Variants in MPP7 observed in about 807,000 individuals in gnomAD.
MPP7 encodes MAGUK p55 subfamily member 7.
A neutral mutation model predicts 76.5 loss-of-function variants in MPP7; 60 were observed. The observed-to-expected ratio is 0.78, with a 90% confidence interval of 0.64 to 0.97. The LOEUF (loss-of-function observed/expected upper bound fraction) is 0.97. MPP7 is among the 50% of genes least tolerant of loss of function. The pLI is 0.00. For synonymous variants in MPP7, 237 were observed against 244.5 expected (o/e 0.97, Z 0.29); for missense variants, 641 against 694.0 (o/e 0.92, Z 0.86).
At position 28,131,649 on chromosome 10, in the gene MPP7, C is replaced by G; in HGVS notation, c.358G>C (p.Asp120His). The change falls in exon 6 of 17, where the codon GAC becomes CAC. Residue 120 changes from aspartate to histidine, a missense_variant. Asp to His is a moderately conservative substitution (Grantham distance 81). Coordinates refer to ENST00000683449, the MANE Select transcript of MPP7 (RefSeq NM_001318170.2). ...VHDTVAQKNY[D>H]PVLPPMPEDI... The stretch of plus-strand genomic sequence containing the variant: ...TCAGGCATAGGAGGCAACACTGGGT[C>G]GTAATTCTTCTGAGCCACAGTATCA... The G allele has an allele frequency of 1.2e-6, 2 of 1,602,896 alleles. No homozygotes were observed. Among genetic ancestry groups the G allele is most frequent in the Non-Finnish European group, 1.7e-6 (2 of 1,173,200 alleles).
chr10:28,176,340 A>AAAAACAAAAC (rs57735759), intron 3 of MPP7, among the ~76,000 whole-genome samples: 2,297 of 151,006 alleles, frequency 0.015, 63 homozygotes, highest in African/African-American at 0.05. Context: ...CAGTTGGGTC[A>AAAAACAAAAC]AAAACAAAAC....
rs537156050 is a variant in MPP7 at position 28,274,721 on chromosome 10, T to G, written c.-132+28140A>C. On this transcript the variant is annotated intron_variant, in intron 1 of 16. Transcript: ENST00000683449. ...CTACATAGGAGGCTGCCTGGATGAC[T>G]TCCTCTCTACTTCCTGCTACAGAAA... Among the ~76,000 whole-genome samples, 15 of 152,314 alleles carry G rather than the reference T, an allele frequency of 9.8e-5. No individual in the cohort carries two copies. The East Asian group carries it at 2.9e-3, about 29-fold the overall frequency.
chr10:28,309,754 T>G (rs1359989713), intron 2 of MPP7, among the ~76,000 whole-genome samples: 1 of 152,180 alleles, frequency 6.6e-6, no homozygotes, highest in African/African-American at 2.4e-5. Flanking sequence ...GGCGGATCCC[T>G]CGTGGCTTGG....
At chr10:28,118,045 C>T (rs1834712630) in intron 11 of MPP7, 1 of 948,480 alleles carries the variant, frequency 1.1e-6, no homozygotes, top group African/African-American at 1.8e-5. Context: ...CAAATGAGGA[C>T]ATTTCAGTAA....
intron 2 of MPP7, among the ~76,000 whole-genome samples, chr10:28,208,777 A>C (rs955560954): frequency 6.6e-6 from 1 of 152,172 alleles, no homozygotes. Context: ...AGAGGCAATA[A>C]AATGATAACT....
At chr10:28,149,578 C>G (rs1336409049) in intron 4 of MPP7, among the ~76,000 whole-genome samples, 1 of 152,102 alleles carries the variant, frequency 6.6e-6, no homozygotes, top group Non-Finnish European at 1.5e-5. Flanking sequence ...ATTTCATATG[C>G]CTCGTTCGTA....
chr10:28,306,553 T>C (rs964102451), upstream of MPP7, among the ~76,000 whole-genome samples: 8 of 150,466 alleles, frequency 5.3e-5, no homozygotes, highest in Admixed American at 3.3e-4. Flanking sequence ...GAGGCTGAGG[T>C]GGGAGGATTG....
At chr10:28,285,525 T>G (rs545195629) in intron 1 of MPP7, among the ~76,000 whole-genome samples, 2 of 152,254 alleles carry the variant, frequency 1.3e-5, no homozygotes, top group South Asian at 4.1e-4. Flanking sequence ...AAAGAGTTGA[T>G]GAGGGGAAGT....
chr10:28,265,823 T>A (rs1450808826), intron 1 of MPP7, among the ~76,000 whole-genome samples: 1 of 152,216 alleles, frequency 6.6e-6, no homozygotes, highest in Non-Finnish European at 1.5e-5. Flanking sequence ...GAATGGGTTT[T>A]AGGATTATCC....
At chr10:28,172,345 C>T (rs1836711605) in intron 3 of MPP7, among the ~76,000 whole-genome samples, 1 of 152,340 alleles carries the variant, frequency 6.6e-6, no homozygotes, top group East Asian at 1.9e-4. Context: ...CAGTCAGACA[C>T]TATTCAATCC....
At chr10:28,057,920 G>A in intron 15 of MPP7, 1 of 1,150,386 alleles carries the variant, frequency 8.7e-7, no homozygotes, top group Non-Finnish European at 1.1e-6. Flanking sequence ...GGAATTGAAT[G>A]GCCTCATCCA....
intron 1 of MPP7, among the ~76,000 whole-genome samples, chr10:28,267,186 G>A (rs547735368): frequency 6.6e-6 from 1 of 152,284 alleles, no homozygotes; most frequent in South Asian, 2.1e-4. Context: ...TGGCAAAGTG[G>A]AATATTTGAA....
At chr10:28,069,296 C>T (rs1852114987) in intron 13 of MPP7, among the ~76,000 whole-genome samples, 1 of 152,154 alleles carries the variant, frequency 6.6e-6, no homozygotes, top group South Asian at 2.1e-4. Flanking sequence ...CTTATTTCAG[C>T]ATTTCATGCC....
intron 11 of MPP7, among the ~76,000 whole-genome samples, chr10:28,101,818 G>A (rs1316543147): frequency 6.6e-6 from 1 of 151,670 alleles, no homozygotes; most frequent in African/African-American, 2.4e-5. Flanking sequence ...TAGGAAAAAG[G>A]AGAATTTTTA....
intron 1 of MPP7, among the ~76,000 whole-genome samples, chr10:28,240,085 C>G (rs966365382): frequency 1.3e-5 from 2 of 152,036 alleles, no homozygotes; most frequent in African/African-American, 2.4e-5. Flanking sequence ...TGGCTAATAA[C>G]AGAGAAAGTA....
intron 3 of MPP7, among the ~76,000 whole-genome samples, chr10:28,156,763 T>C (rs1414298130): frequency 2.6e-5 from 4 of 152,004 alleles, no homozygotes; most frequent in African/African-American, 4.8e-5. Flanking sequence ...TAGATCTACA[T>C]GTTTATTAAC....
At chr10:28,150,173 G>C in intron 3 of MPP7, 114 bp from the exon 4 acceptor site, 4 of 720,742 alleles carry the variant, frequency 5.5e-6, no homozygotes, top group Non-Finnish European at 9.4e-6. Context: ...AAAGTTATAT[G>C]TTTATGACAT....
chr10:28,219,989 T>A (rs146274474), intron 2 of MPP7, among the ~76,000 whole-genome samples: 1 of 152,286 alleles, frequency 6.6e-6, no homozygotes, highest in African/African-American at 2.4e-5. Flanking sequence ...TTTCTCACAC[T>A]TTCCCTCAAC....
At chr10:28,207,709 T>C (rs780198236) in intron 2 of MPP7, among the ~76,000 whole-genome samples, 9 of 142,906 alleles carry the variant, frequency 6.3e-5, no homozygotes, top group Non-Finnish European at 9.2e-5. Flanking sequence ...AAAAAAAAAA[T>C]GAAAAAAGAA....
Sources: allele counts gnomAD v4.1 joint callset (sites outside exome capture counted in the v4.1 genomes callset), GRCh38; gene constraint gnomAD v4.1.1; transcripts MANE v1.5; gene names NCBI Gene and HGNC (gene_info 2026-07-23, HGNC 2026-07-21).